The following RSBN1L variants were observed in gnomAD, a reference collection of about 807,000 sequenced individuals.
RSBN1L encodes the protein lysine-specific demethylase RSBN1L.
In RSBN1L, 30 loss-of-function variants were observed where a neutral mutation model predicts 67.7. The ratio of observed to expected loss-of-function variants is 0.44; its 90% CI spans 0.33 to 0.60. RSBN1L has a LOEUF of 0.60. RSBN1L is among the 20% of genes least tolerant of loss of function. The pLI, the probability that RSBN1L is intolerant of heterozygous loss-of-function variation, is 0.02. For missense variants in RSBN1L, 992 were observed against 1,031.7 expected (o/e 0.96, Z 0.53); for synonymous variants, 433 against 387.0 (o/e 1.12, Z -1.39).
At chr7:77,742,561 G>A (rs1343187923) in intron 2 of RSBN1L, among the ~76,000 whole-genome samples, 1 of 152,128 alleles carries the variant, frequency 6.6e-6, no homozygotes, top group Non-Finnish European at 1.5e-5. Flanking sequence ...GTTTAGGCCT[G>A]GTGTGGTGGC....
intron 1 of RSBN1L, among the ~76,000 whole-genome samples, chr7:77,730,473 C>G (rs1324034666): frequency 6.6e-6 from 1 of 152,128 alleles, no homozygotes; most frequent in African/African-American, 2.4e-5. Flanking sequence ...TGGGTTTGGA[C>G]AAACGTATAA....
intron 4 of RSBN1L, among the ~76,000 whole-genome samples, chr7:77,766,337 A>G (rs181023813): frequency 1.3e-5 from 2 of 152,274 alleles, no homozygotes; most frequent in East Asian, 1.9e-4. Context: ...GGCACATGCC[A>G]TCATGCCCAG....
At chr7:77,742,366 T>C (rs1791425401) in intron 2 of RSBN1L, among the ~76,000 whole-genome samples, 1 of 152,176 alleles carries the variant, frequency 6.6e-6, no homozygotes, top group South Asian at 2.1e-4. Flanking sequence ...TCACATGTGA[T>C]GTGCTTAATT....
intron 2 of RSBN1L, 95 bp from the exon 3 acceptor site, chr7:77,749,329 C>A: frequency 1.1e-6 from 1 of 915,614 alleles, no homozygotes; most frequent in Non-Finnish European, 1.6e-6. Context: ...AGTAAATTTT[C>A]AGAAGTAAAC....
At chr7:77,754,947 A>G (rs1471404545) in intron 3 of RSBN1L, among the ~76,000 whole-genome samples, 1 of 152,196 alleles carries the variant, frequency 6.6e-6, no homozygotes, top group African/African-American at 2.4e-5. Flanking sequence ...TTTTCCATTA[A>G]TGAATGCTTG....
intron 2 of RSBN1L, among the ~76,000 whole-genome samples, chr7:77,741,946 T>G (rs1172096526): frequency 2.0e-5 from 3 of 151,996 alleles, no homozygotes; most frequent in Non-Finnish European, 4.4e-5. Context: ...CTGTGTCCAC[T>G]GGGATTCCTA....
intron 6 of RSBN1L, among the ~76,000 whole-genome samples, chr7:77,777,946 A>T (rs1296440288): frequency 6.6e-6 from 1 of 151,864 alleles, no homozygotes; most frequent in East Asian, 1.9e-4. Flanking sequence ...GAAATAAAAT[A>T]CTCCCTTTTC....
chr7:77,723,152 G>A (rs983428308), intron 1 of RSBN1L, among the ~76,000 whole-genome samples: 1 of 151,814 alleles, frequency 6.6e-6, no homozygotes, highest in Admixed American at 6.6e-5. Context: ...TTTTAGTAGA[G>A]ATGGGGTTTC....
At chr7:77,737,004 A>G (rs1442763211) in intron 2 of RSBN1L, among the ~76,000 whole-genome samples, 1 of 152,112 alleles carries the variant, frequency 6.6e-6, no homozygotes, top group Non-Finnish European at 1.5e-5. Context: ...TTGTATGTTT[A>G]AGAATATCCT....
At chr7:77,710,239 A>G (rs1439445431) in intron 1 of RSBN1L, among the ~76,000 whole-genome samples, 7 of 152,242 alleles carry the variant, frequency 4.6e-5, no homozygotes, top group Non-Finnish European at 7.3e-5. Flanking sequence ...ATCTAAATGC[A>G]TATAGTCTAC....
intron 2 of RSBN1L, among the ~76,000 whole-genome samples, chr7:77,739,971 C>T (rs1007833717): frequency 5.3e-5 from 8 of 150,986 alleles, no homozygotes; most frequent in Admixed American, 3.3e-4. Context: ...AGGCTGATGG[C>T]GAACTCCTGA....
At chr7:77,748,218 G>T (rs189781204) in intron 2 of RSBN1L, among the ~76,000 whole-genome samples, 2 of 152,142 alleles carry the variant, frequency 1.3e-5, no homozygotes, top group African/African-American at 4.8e-5. Context: ...TATGGCTGTA[G>T]CATTCAGGAT....
intron 1 of RSBN1L, among the ~76,000 whole-genome samples, chr7:77,712,289 T>TG (rs1163878395): frequency 2.7e-5 from 4 of 149,156 alleles, no homozygotes; most frequent in African/African-American, 9.8e-5. Flanking sequence ...CATACATGAT[T>TG]TTTTTTTTTT....
chr7:77,748,687 C>T (rs1410157073), intron 2 of RSBN1L, among the ~76,000 whole-genome samples: 3 of 151,952 alleles, frequency 2.0e-5, no homozygotes, highest in Non-Finnish European at 2.9e-5. Flanking sequence ...GTTTTGCTCT[C>T]TTGGGCGGGG....
intron 3 of RSBN1L, among the ~76,000 whole-genome samples, chr7:77,751,602 C>T (rs2150426602): frequency 6.6e-6 from 1 of 152,300 alleles, no homozygotes; most frequent in Non-Finnish European, 1.5e-5. Context: ...TCTGAGGTTA[C>T]ACCTGAATAT....
chr7:77,752,669 G>C (rs908794828), intron 3 of RSBN1L, among the ~76,000 whole-genome samples: 19 of 152,154 alleles, frequency 1.2e-4, no homozygotes, highest in Non-Finnish European at 1.3e-4. Context: ...TGTAATGTAT[G>C]ACATAGTATA....
At chr7:77,775,687 A>T (rs1791904101) in intron 6 of RSBN1L, among the ~76,000 whole-genome samples, 1 of 152,044 alleles carries the variant, frequency 6.6e-6, no homozygotes, top group Non-Finnish European at 1.5e-5. Context: ...ATTCTGTATG[A>T]TTTTAGTGCT....
At chr7:77,702,545 A>G (rs1175172692) in intron 1 of RSBN1L, among the ~76,000 whole-genome samples, 1 of 148,416 alleles carries the variant, frequency 6.7e-6, no homozygotes, top group Non-Finnish European at 1.5e-5. Context: ...TTTAATCTTC[A>G]TTTCTTTTCT....
In RSBN1L at chr7:77,696,944, A is replaced by G; in HGVS notation, c.475A>G (p.Arg159Gly). The change falls in exon 1 of 8, where the codon AGA (arginine) becomes GGA (glycine). Residue 159 changes from arginine (R) to glycine (G), a missense_variant. Transcript: ENST00000334955. ...TGCCTCGGCTAACGCCAAGTCGCGC[A>G]GACCTAAGGAGAAGCGGGAGAAGGA... ...AAASANAKSR[R>G]PKEKREKERR... 6.3e-7 allele frequency: 1 copy of G among 1,593,964 alleles called. No individual in the cohort carries two copies. Among genetic ancestry groups the G allele is most frequent in the Non-Finnish European group, 8.5e-7 (1 of 1,176,684 alleles).
Sources: allele counts gnomAD v4.1 joint callset (sites outside exome capture counted in the v4.1 genomes callset), GRCh38; gene constraint gnomAD v4.1.1; transcripts MANE v1.5; gene names NCBI Gene and HGNC (gene_info 2026-07-23, HGNC 2026-07-21).